The following EPHA3 variants were observed in gnomAD, a reference collection of about 807,000 sequenced individuals.
EPHA3 encodes EPH receptor A3.
A neutral mutation model predicts 107.1 loss-of-function variants in EPHA3; 42 were observed. The observed-to-expected ratio is 0.39, with a 90% confidence interval of 0.31 to 0.51. EPHA3 has a LOEUF of 0.51. EPHA3 is among the 20% of genes least tolerant of loss of function. EPHA3 has a pLI of 0.78. For synonymous variants in EPHA3, 461 were observed against 424.8 expected (o/e 1.09, Z -1.05); for missense variants, 1,183 against 1,211.2 (o/e 0.98, Z 0.35).
intron 2 of EPHA3, among the ~76,000 whole-genome samples, chr3:89,205,865 A>G (rs1384606828): frequency 6.6e-6 from 1 of 152,016 alleles, no homozygotes; most frequent in Non-Finnish European, 1.5e-5. Context: ...CTGATAAAAT[A>G]TAATGATAAT....
At chr3:89,184,681 G>T (rs1705521364) in intron 2 of EPHA3, among the ~76,000 whole-genome samples, 1 of 151,950 alleles carries the variant, frequency 6.6e-6, no homozygotes, top group African/African-American at 2.4e-5. Context: ...GGTTTCCCTT[G>T]TGATTGTTAA....
chr3:89,431,541 C>T (rs1294638737), intron 13 of EPHA3, among the ~76,000 whole-genome samples, 182 bp downstream of exon 13: 2 of 152,044 alleles, frequency 1.3e-5, no homozygotes, highest in Non-Finnish European at 2.9e-5. Context: ...CACTGTTTAA[C>T]ATTTAATGAT....
chr3:89,324,986 CA>C (rs2107387150), intron 3 of EPHA3, among the ~76,000 whole-genome samples: 1 of 152,258 alleles, frequency 6.6e-6, no homozygotes, highest in South Asian at 2.1e-4. Context: ...ATTCACTTCG[CA>C]TAATGGCCTC....
At chr3:89,395,998 C>A (rs1414909207) in intron 6 of EPHA3, 37 bp downstream of exon 6, 2 of 1,606,832 alleles carry the variant, frequency 1.2e-6, no homozygotes, top group African/African-American at 2.7e-5. Context: ...GCTGTGTAGG[C>A]AAGAAGCTGT....
intron 2 of EPHA3, among the ~76,000 whole-genome samples, chr3:89,208,506 G>T (rs1706181961): frequency 7.3e-6 from 1 of 137,076 alleles, no homozygotes; most frequent in African/African-American, 2.8e-5. Context: ...AGGGAGGGAG[G>T]GAAGAAAGGA....
chr3:89,170,257 GAA>G (rs11450957), intron 2 of EPHA3, among the ~76,000 whole-genome samples: 6 of 114,150 alleles, frequency 5.3e-5, no homozygotes, highest in South Asian at 2.6e-4. Context: ...CTCCGTATCA[GAA>G]AAAAAAAAAA....
chr3:89,203,757 A>G (rs544828821), intron 2 of EPHA3, among the ~76,000 whole-genome samples: 31 of 152,246 alleles, frequency 2.0e-4, no homozygotes, highest in Non-Finnish European at 3.8e-4. Flanking sequence ...AGCCTGGGCA[A>G]CAGAGCGAGA....
At chr3:89,342,852 T>TACACAC (rs1424691742) in intron 5 of EPHA3, among the ~76,000 whole-genome samples, 9 of 129,798 alleles carry the variant, frequency 6.9e-5, no homozygotes, top group African/African-American at 2.7e-4. Context: ...GTCTTATTTT[T>TACACAC]ACACATACAC....
chr3:89,321,883 G>A (rs1707051814), intron 3 of EPHA3, among the ~76,000 whole-genome samples: 1 of 152,046 alleles, frequency 6.6e-6, no homozygotes, highest in South Asian at 2.1e-4. Context: ...GCTGCTTCTA[G>A]TATCATGGTA....
chr3:89,223,674 A>G (rs1268531938), intron 3 of EPHA3, among the ~76,000 whole-genome samples: 1 of 152,220 alleles, frequency 6.6e-6, no homozygotes, highest in Non-Finnish European at 1.5e-5. Context: ...TTCTTAGCAT[A>G]AAATGATGGC....
chr3:89,138,158 A>G (rs917068069), intron 2 of EPHA3, among the ~76,000 whole-genome samples: 7 of 151,862 alleles, frequency 4.6e-5, no homozygotes, highest in Admixed American at 4.6e-4. Context: ...CATGATTAAT[A>G]TAACTGTTGA....
At chr3:89,377,909 CAA>C (rs1456741767) in intron 5 of EPHA3, among the ~76,000 whole-genome samples, 1 of 152,074 alleles carries the variant, frequency 6.6e-6, no homozygotes, top group Non-Finnish European at 1.5e-5. Flanking sequence ...CAAAATCATT[CAA>C]AGACATGTAA....
chr3:89,314,738 A>T (rs1706854494), intron 3 of EPHA3, among the ~76,000 whole-genome samples: 1 of 151,998 alleles, frequency 6.6e-6, no homozygotes, highest in Admixed American at 6.6e-5. Flanking sequence ...TAGTAATAGA[A>T]ATACCTGTTA....
At chr3:89,236,775 A>T (rs1361976842) in intron 3 of EPHA3, among the ~76,000 whole-genome samples, 7 of 152,194 alleles carry the variant, frequency 4.6e-5, no homozygotes, top group South Asian at 2.1e-4. Context: ...TATAATAGTA[A>T]TTTTTTTAAA....
chr3:89,335,117 T>C (rs943491209), intron 3 of EPHA3, among the ~76,000 whole-genome samples: 5 of 152,218 alleles, frequency 3.3e-5, no homozygotes, highest in Admixed American at 2.0e-4. Flanking sequence ...GTTGTTTTCA[T>C]TTCTTTGGGC....
chr3:89,214,550 T>G (rs911063227), intron 3 of EPHA3, among the ~76,000 whole-genome samples: 1 of 152,012 alleles, frequency 6.6e-6, no homozygotes, highest in Non-Finnish European at 1.5e-5. Context: ...ATTCATTGAT[T>G]GCCCACCTTC....
intron 3 of EPHA3, among the ~76,000 whole-genome samples, chr3:89,242,758 TA>T (rs199562336): frequency 4.3e-5 from 6 of 139,708 alleles, no homozygotes; most frequent in Non-Finnish European, 6.4e-5. Flanking sequence ...TTCTTTCTTT[TA>T]TTTTTTTATT....
chr3:89,381,163 G>C (rs1405431811), intron 5 of EPHA3, among the ~76,000 whole-genome samples: 3 of 151,508 alleles, frequency 2.0e-5, no homozygotes, highest in Non-Finnish European at 2.9e-5. Flanking sequence ...TAGTAGAGAC[G>C]GGGTTTCACT....
intron 1 of EPHA3, among the ~76,000 whole-genome samples, chr3:89,118,444 C>T (rs1352429298): frequency 6.6e-6 from 1 of 151,630 alleles, no homozygotes; most frequent in Non-Finnish European, 1.5e-5. Flanking sequence ...AGGAAGAAAA[C>T]TAAAAAGATA....
Sources: gnomAD v4.1 joint callset for allele counts (sites outside exome capture counted in the v4.1 genomes callset) on GRCh38, gnomAD v4.1.1 for gene constraint, MANE v1.5 for transcripts, NCBI Gene and HGNC (gene_info 2026-07-23, HGNC 2026-07-21) for gene names.